Variants in ADGRL2 observed in about 807,000 individuals in gnomAD.
The protein encoded by ADGRL2 is adhesion G protein-coupled receptor L2.
Under a neutral mutation model 157.4 loss-of-function variants are expected in ADGRL2, and 44 were observed. That is an observed-to-expected ratio of 0.28 (90% CI 0.22 to 0.36). The LOEUF is 0.36. Ranked by LOEUF, ADGRL2 falls within the 10% of genes least tolerant of loss-of-function variation. The pLI is 1.00. For synonymous variants in ADGRL2, 585 were observed against 624.7 expected (o/e 0.94, Z 0.95); for missense variants, 1,510 against 1,768.9 (o/e 0.85, Z 2.63).
At chr1:81,718,862 A>G (rs1314450932) in intron 1 of ADGRL2, among the ~76,000 whole-genome samples, 1 of 152,224 alleles carries the variant, frequency 6.6e-6, no homozygotes, top group Non-Finnish European at 1.5e-5. Context: ...GAAGTCTAGC[A>G]GGAGGTGTTA....
intron 2 of ADGRL2, among the ~76,000 whole-genome samples, chr1:81,546,080 T>G (rs927778153): frequency 2.0e-5 from 3 of 152,158 alleles, no homozygotes; most frequent in Non-Finnish European, 4.4e-5. Flanking sequence ...TGTTTCCTGC[T>G]TTAACAATTT....
At chr1:81,367,643 C>G (rs772724548) in intron 1 of ADGRL2, among the ~76,000 whole-genome samples, 2 of 152,134 alleles carry the variant, frequency 1.3e-5, no homozygotes, top group Admixed American at 6.5e-5. Flanking sequence ...ACCTCTGCCT[C>G]CCGGTTTCAA....
intron 6 of ADGRL2, among the ~76,000 whole-genome samples, chr1:81,948,388 C>T (rs1650629125): frequency 6.6e-6 from 1 of 152,064 alleles, no homozygotes; most frequent in South Asian, 2.1e-4. Flanking sequence ...GCTTAGCTAA[C>T]AAATCACTAA....
intron 3 of ADGRL2, among the ~76,000 whole-genome samples, chr1:81,928,222 T>A (rs2095152954): frequency 6.6e-6 from 1 of 152,122 alleles, no homozygotes; most frequent in Non-Finnish European, 1.5e-5. Context: ...AGTAGCTAAA[T>A]ACTTATCCCG....
intron 3 of ADGRL2, among the ~76,000 whole-genome samples, chr1:81,593,140 C>T (rs1271111397): frequency 6.6e-6 from 1 of 152,100 alleles, no homozygotes; most frequent in Non-Finnish European, 1.5e-5. Flanking sequence ...TTTTCTTAGC[C>T]CATTTGTCAA....
intron 1 of ADGRL2, among the ~76,000 whole-genome samples, chr1:81,725,588 G>A (rs1310857688): frequency 6.6e-6 from 1 of 151,996 alleles, no homozygotes; most frequent in Non-Finnish European, 1.5e-5. Context: ...TTGAGCTTGT[G>A]TGTTATGTTA....
At chr1:81,687,672 T>A (rs533265233) in intron 3 of ADGRL2, among the ~76,000 whole-genome samples, 32 of 152,340 alleles carry the variant, frequency 2.1e-4, no homozygotes, top group Non-Finnish European at 4.3e-4. Context: ...ATTGTTACAT[T>A]CATTGTGCTC....
rs116054500 is a variant in ADGRL2 at position 81,605,669 on chromosome 1, T to C, written c.-143+24689T>C. ...TTCCATGAGCATCCACTTTGTGAGC[T>C]AGGACCTTGCAGTGATTTAGTTTAT... On this transcript the variant is annotated intron_variant, in intron 3 of 24. Transcript: ENST00000370721. 3.6e-3 allele frequency among the ~76,000 whole-genome samples: 551 copies of C among 152,346 alleles called. 4 individuals carry two copies. Among genetic ancestry groups the C allele is most frequent in the African/African-American group, 0.011 (466 of 41,590 alleles).
At chr1:81,793,792 T>A (rs147272681) in intron 2 of ADGRL2, among the ~76,000 whole-genome samples, 1 of 152,252 alleles carries the variant, frequency 6.6e-6, no homozygotes, top group African/African-American at 2.4e-5. Context: ...AAAATCGTTT[T>A]GCAACAGGGC....
intron 1 of ADGRL2, among the ~76,000 whole-genome samples, chr1:81,322,659 T>C (rs1239144370): frequency 6.6e-6 from 1 of 152,108 alleles, no homozygotes; most frequent in African/African-American, 2.4e-5. Flanking sequence ...TGGCATATTA[T>C]AATTAGTTCT....
chr1:81,318,928 C>CT lies in ADGRL2; in HGVS notation c.-302+12449dup, dbSNP rs397980625. Among the ~76,000 whole-genome samples, 271 of 45,828 alleles carry CT rather than the reference C, an allele frequency of 5.9e-3. 44 individuals are homozygous for CT. The highest frequency in any genetic ancestry group is 0.013 in the Admixed American group (32 of 2,526). The allele number at this position is 45,828 out of a possible 152,430, so 30.1% of individuals were successfully genotyped here. On this transcript the variant is annotated intron_variant, in intron 1 of 24. Transcript: ENST00000370721. The stretch of plus-strand genomic sequence containing the variant: ...TTTTATCCTCCATCCTCCATCAATT[C>CT]TTTTTTTTTTTTTTTTTTTTTTTTT...
intron 2 of ADGRL2, among the ~76,000 whole-genome samples, chr1:81,879,283 G>GA (rs34149027): frequency 0.15 from 21,960 of 149,846 alleles, 1,651 homozygotes; most frequent in East Asian, 0.19. Flanking sequence ...GCAAGCTCAG[G>GA]AAAAAAAAAA....
At chr1:81,871,506 C>A (rs933786705) in intron 2 of ADGRL2, among the ~76,000 whole-genome samples, 1 of 152,140 alleles carries the variant, frequency 6.6e-6, no homozygotes, top group Admixed American at 6.5e-5. Flanking sequence ...TGAGGAATCG[C>A]CACACTGTCT....
At chr1:81,637,536 T>C (rs2082137818) in intron 3 of ADGRL2, among the ~76,000 whole-genome samples, 1 of 152,188 alleles carries the variant, frequency 6.6e-6, no homozygotes, top group Non-Finnish European at 1.5e-5. Flanking sequence ...TTCTAGATGT[T>C]CTTCTCAAAA....
chr1:81,904,206 A>G (rs1349925670), intron 2 of ADGRL2, among the ~76,000 whole-genome samples: 1 of 151,996 alleles, frequency 6.6e-6, no homozygotes, highest in East Asian at 1.9e-4. Context: ...CTAGCAGGGT[A>G]GATATATATA....
At chr1:81,321,832 T>TG in intron 1 of ADGRL2, among the ~76,000 whole-genome samples, 1 of 116,084 alleles carries the variant, frequency 8.6e-6, no homozygotes. Flanking sequence ...TACATGCTGT[T>TG]GAAAAAAAAA....
At chr1:81,705,982 G>A (rs758705181) in intron 1 of ADGRL2, among the ~76,000 whole-genome samples, 5 of 151,954 alleles carry the variant, frequency 3.3e-5, no homozygotes, top group African/African-American at 4.8e-5. Flanking sequence ...AGGCCAAGGC[G>A]GGCGGATCAC....
At chr1:81,523,988 C>G (rs139315248) in intron 2 of ADGRL2, among the ~76,000 whole-genome samples, 2,113 of 151,970 alleles carry the variant, frequency 0.014, 54 homozygotes, top group African/African-American at 0.049. Flanking sequence ...CTGCTTGAAC[C>G]CGGGAGGTGA....
intron 1 of ADGRL2, among the ~76,000 whole-genome samples, chr1:81,429,162 A>T (rs1453882760): frequency 6.7e-6 from 1 of 150,312 alleles, no homozygotes; most frequent in East Asian, 2.0e-4. Flanking sequence ...ACAATGACCC[A>T]CTCTTGTTAG....
Sources: gnomAD v4.1 joint callset for allele counts (sites outside exome capture counted in the v4.1 genomes callset) on GRCh38, gnomAD v4.1.1 for gene constraint, MANE v1.5 for transcripts, NCBI Gene and HGNC (gene_info 2026-07-23, HGNC 2026-07-21) for gene names.